Variants in RDH14 observed in about 807,000 individuals in gnomAD.
RDH14 encodes the protein retinol dehydrogenase 14.
A neutral mutation model predicts 19.3 loss-of-function variants in RDH14; 17 were observed. That is an observed-to-expected ratio of 0.88 (90% CI 0.60 to 1.32). The LOEUF (loss-of-function observed/expected upper bound fraction) is 1.32, where lower values mean the gene tolerates loss of function less well. Ranked by LOEUF, RDH14 falls within the 40% of genes most tolerant of loss-of-function variation. The probability of loss-of-function intolerance (pLI) is 0.00; values close to 1 mark genes in which losing one functional copy is unlikely to be tolerated. For synonymous variants in RDH14, 215 were observed against 188.9 expected, an observed-to-expected ratio of 1.14 and a Z score of -1.13; for missense variants, 534 against 449.2, an observed-to-expected ratio of 1.19 and a Z score of -1.71.
intron 1 of RDH14, among the ~76,000 whole-genome samples, chr2:18,557,645 A>G (rs1663958862): frequency 6.6e-6 from 1 of 151,192 alleles, no homozygotes; most frequent in Non-Finnish European, 1.5e-5. Context: ...CTACATTTCC[A>G]TTTTTTTTTC....
chr2:18,560,020 C>A lies in RDH14; in HGVS notation c.393+160G>T, dbSNP rs1426147976. Among the ~76,000 whole-genome samples, 4 of 152,316 alleles carry A rather than the reference C, an allele frequency of 2.6e-5. No homozygotes were observed. The East Asian group carries it at 7.7e-4, about 29-fold the overall frequency. ...CCCTCTCAACCCTGCAGCTTCCCGG[C>A]CGCCTCAAAGTGGCTTTTTGGACTC... On this transcript the variant is annotated intron_variant, in intron 1 of 1. Transcript: ENST00000381249.
In RDH14 at chr2:18,560,345, G is replaced by C; in HGVS notation, c.228C>G (p.Asp76Glu). The change falls in exon 1 of 2, where the codon GAC becomes GAG. Residue 76 changes from aspartate to glutamate, a missense_variant. Transcript: ENST00000381249. ...LGARVIMGCR[D>E]RARAEEAAGQ... ...CCGCCGCCTCCTCGGCGCGCGCGCG[G>C]TCCCGGCAGCCCATGATCACCCGCG... The C allele has an allele frequency of 2.8e-6, 4 of 1,417,490 alleles. No homozygotes were observed. The highest frequency in any genetic ancestry group is 3.6e-6 in the Non-Finnish European group (4 of 1,098,648). 87.8% of individuals were successfully genotyped at this position (1,417,490 alleles called of 1,614,324 possible).
chr2:18,558,018 A>G (rs1274687247), intron 1 of RDH14, among the ~76,000 whole-genome samples: 1 of 152,236 alleles, frequency 6.6e-6, no homozygotes, highest in Non-Finnish European at 1.5e-5. Context: ...AAACACAGTG[A>G]TATTTGCTCA....
Position 18,555,121 on chromosome 2 carries a change from A to G in RDH14, c.*70T>C. The G allele has an allele frequency of 1.3e-6, 2 of 1,549,958 alleles. No homozygotes were observed. Among genetic ancestry groups the G allele is most frequent in the African/African-American group, 1.4e-5 (1 of 72,872 alleles). ...TTTTTCTTCAAGTAACAAGTTCTCA[A>G]TCCACACCATTCCTGATCACAGATA... On this transcript the variant is annotated 3_prime_UTR_variant, in exon 2 of 2. Transcript: ENST00000381249.
At position 18,555,223 on chromosome 2, in the gene RDH14, T is replaced by C; in HGVS notation, c.979A>G (p.Ile327Val). The change falls in exon 2 of 2, where the codon ATC becomes GTC. Residue 327 changes from isoleucine to valine, a missense_variant. By Grantham distance (29) the Ile-to-Val change is conservative (BLOSUM62 3). Transcript: ENST00000381249. ...DESVARKLWD[I>V]SEVMVGLLK ...AGCAGGCCAACCATCACTTCACTGA[T>C]ATCCCAGAGTTTTCTTGCAACAGAT... is the stretch of plus-strand genomic sequence containing the variant. 1 of 1,614,044 alleles carries C rather than the reference T, an allele frequency of 6.2e-7. No homozygotes were observed. Among genetic ancestry groups the C allele is most frequent in the Non-Finnish European group, 8.5e-7 (1 of 1,179,912 alleles).
Position 18,560,592 on chromosome 2 carries a change from C to T in RDH14, c.-20G>A, listed in dbSNP as rs951037479. Reference sequence around the variant, plus strand: ...TGCCATCGTCAGGCCCGAGGGCCCACCGGCCCCTCCACGGGAGTTCCGCAG... The same window carrying T: ...TGCCATCGTCAGGCCCGAGGGCCCATCGGCCCCTCCACGGGAGTTCCGCAG... On this transcript the variant is annotated 5_prime_UTR_variant, in exon 1 of 2. It adds an upstream start codon to the 5' untranslated region. Coordinates refer to ENST00000381249, the MANE Select transcript of RDH14 (RefSeq NM_020905.4). 24 of 1,412,058 alleles carry T rather than the reference C, an allele frequency of 1.7e-5. No individual in the cohort carries two copies. In the African/African-American group the frequency reaches 2.1e-4, roughly 12 times the overall value. 87.5% of individuals were successfully genotyped at this position (1,412,058 alleles called of 1,614,324 possible). A position where few individuals can be genotyped will look rare whatever the true frequency, so the allele number is the denominator to read the frequency against.
In RDH14 at chr2:18,555,214, C is replaced by A; in HGVS notation, c.988G>T (p.Val330Leu). 1 of 1,613,992 alleles carries A rather than the reference C, an allele frequency of 6.2e-7. No homozygotes were observed. Among genetic ancestry groups the A allele is most frequent in the African/African-American group, 1.3e-5 (1 of 75,048 alleles). ...VARKLWDISEVMVGLLK is the reference protein window; with the variant it reads ...VARKLWDISELMVGLLK ...TCCTATTTTAGCAGGCCAACCATCA[C>A]TTCACTGATATCCCAGAGTTTTCTT... Residue 330 changes from valine (V) to leucine (L), a missense_variant, in exon 2 of 2, where the codon GTG becomes TTG. Val to Leu is a conservative substitution (Grantham distance 32). Transcript: ENST00000381249.
rs879491914 is a variant in RDH14 at position 18,555,372 on chromosome 2, T to G, written c.830A>C (p.Lys277Thr). The G allele has an allele frequency of 2.5e-6, 4 of 1,613,918 alleles. No individual in the cohort carries two copies. Among genetic ancestry groups the G allele is most frequent in the Admixed American group, 3.3e-5 (2 of 60,002 alleles). Residue 277 changes from lysine to threonine, a missense_variant, in exon 2 of 2, where the codon AAA becomes ACA. Coordinates refer to ENST00000381249, the MANE Select transcript of RDH14 (RefSeq NM_020905.4). ...AGTCTGGGCACCTTCTACTGGAGTT[T>G]TGAAAAAAGCCCATGACACCAAATT... ...LFNLVSWAFF[K>T]TPVEGAQTSI... is the part of the protein sequence containing the mutation.
At chr2:18,556,003 T>G (rs964473658) in intron 1 of RDH14, among the ~76,000 whole-genome samples, 195 bp from the exon 2 acceptor site, 1 of 152,224 alleles carries the variant, frequency 6.6e-6, no homozygotes, top group African/African-American at 2.4e-5. Context: ...GGGAAAGGGA[T>G]TCCTCCGCAG....
rs74378191 is a variant in RDH14 at position 18,555,364 on chromosome 2, C to T, written c.838G>A (p.Val280Ile). 0.022 allele frequency: 35,840 copies of T among 1,614,052 alleles called. 738 individuals carry two copies. Among genetic ancestry groups the T allele is most frequent in the South Asian group, 0.088 (8,035 of 91,072 alleles). ...LVSWAFFKTPVEGAQTSIYLA... is the reference protein window; with the variant it reads ...LVSWAFFKTPIEGAQTSIYLA... The stretch of plus-strand genomic sequence containing the variant: ...TAAATGGAAGTCTGGGCACCTTCTA[C>T]TGGAGTTTTGAAAAAAGCCCATGAC... The change falls in exon 2 of 2, where the codon GTA becomes ATA. Residue 280 changes from valine (V) to isoleucine (I), a missense_variant. By Grantham distance (29) the Val-to-Ile change is conservative. Coordinates refer to ENST00000381249, the MANE Select transcript of RDH14 (RefSeq NM_020905.4).
At position 18,555,645 on chromosome 2, in the gene RDH14, C is replaced by A; in HGVS notation, c.557G>T (p.Arg186Met). The A allele has an allele frequency of 6.2e-7, 1 of 1,614,090 alleles. No homozygotes were observed. The highest frequency in any genetic ancestry group is 8.5e-7 in the Non-Finnish European group (1 of 1,179,978). ...AAGTTTGGAAGAAACTACCACAATCCTGCTGGGAGCTGAACTTTTGAGGAG... is the reference window on the plus strand; with the variant it reads ...AAGTTTGGAAGAAACTACCACAATCATGCTGGGAGCTGAACTTTTGAGGAG... ...LGLLKSSAPS[R>M]IVVVSSKLYK... is the part of the protein sequence containing the mutation. Residue 186 changes from arginine (R) to methionine (M), a missense_variant, in exon 2 of 2, where the codon AGG becomes ATG. Coordinates refer to ENST00000381249, the MANE Select transcript of RDH14 (RefSeq NM_020905.4).
At chr2:18,559,318 G>A (rs1233692731) in intron 1 of RDH14, among the ~76,000 whole-genome samples, 2 of 152,154 alleles carry the variant, frequency 1.3e-5, no homozygotes, top group Non-Finnish European at 2.9e-5. Context: ...ACACCTCACT[G>A]CCAGGCAGCA....
intron 1 of RDH14, among the ~76,000 whole-genome samples, chr2:18,558,073 T>C (rs1197978125): frequency 3.9e-5 from 6 of 152,212 alleles, no homozygotes; most frequent in Non-Finnish European, 7.3e-5. Flanking sequence ...GCTTGAACAT[T>C]ACATTGTGCT....
chr2:18,560,599 C>T lies in RDH14; in HGVS notation c.-27G>A. On this transcript the variant is annotated 5_prime_UTR_variant, in exon 1 of 2. Transcript: ENST00000381249. ...GTCAGGCCCGAGGGCCCACCGGCCC[C>T]TCCACGGGAGTTCCGCAGCCGCCGC... is the stretch of plus-strand genomic sequence containing the variant. 7.2e-7 allele frequency: 1 copy of T among 1,395,824 alleles called. No individual in the cohort carries two copies. The highest frequency in any genetic ancestry group is 9.2e-7 in the Non-Finnish European group (1 of 1,085,578). 86.5% of individuals were successfully genotyped at this position (1,395,824 alleles called of 1,614,324 possible). A position where few individuals can be genotyped will look rare whatever the true frequency, so the allele number is the denominator to read the frequency against.
At position 18,560,340 on chromosome 2, in the gene RDH14, G is replaced by A; in HGVS notation, c.233C>T (p.Ala78Val). The A allele has an allele frequency of 7.1e-7, 1 of 1,409,908 alleles. No homozygotes were observed. The highest frequency in any genetic ancestry group is 9.1e-7 in the Non-Finnish European group (1 of 1,094,772). The allele number at this position is 1,409,908 out of a possible 1,614,324, so 87.3% of individuals were successfully genotyped here. Residue 78 changes from alanine to valine, a missense_variant, in exon 1 of 2, where the codon GCG (alanine) becomes GTG (valine). By Grantham distance (64) the Ala-to-Val change is moderately conservative (BLOSUM62 0). Transcript: ENST00000381249. ...ARVIMGCRDRARAEEAAGQLR... is the reference protein window; with the variant it reads ...ARVIMGCRDRVRAEEAAGQLR... ...CTGACCCGCCGCCTCCTCGGCGCGC[G>A]CGCGGTCCCGGCAGCCCATGATCAC...
At position 18,555,128 on chromosome 2, in the gene RDH14, C is replaced by A; in HGVS notation, c.*63G>T. ...TCAAGTAACAAGTTCTCAATCCACA[C>A]CATTCCTGATCACAGATATAACTGA... On this transcript the variant is annotated 3_prime_UTR_variant, in exon 2 of 2. Transcript: ENST00000381249. 1 of 1,563,152 alleles carries A rather than the reference C, an allele frequency of 6.4e-7. No homozygotes were observed. The highest frequency in any genetic ancestry group is 8.7e-7 in the Non-Finnish European group (1 of 1,155,544).
intron 1 of RDH14, 149 bp downstream of exon 1, chr2:18,560,031 T>C: frequency 1.2e-6 from 1 of 828,978 alleles, no homozygotes; most frequent in Non-Finnish European, 1.7e-6. Flanking sequence ...CGCCTCAAAG[T>C]GGCTTTTTGG....
At chr2:18,556,616 C>A (rs766324073) in intron 1 of RDH14, among the ~76,000 whole-genome samples, 20 of 152,162 alleles carry the variant, frequency 1.3e-4, no homozygotes, top group Admixed American at 1.0e-3. Flanking sequence ...ATCAGAACTC[C>A]TAAGTAGCAA....
At chr2:18,560,051 A>G (rs1422173833) in intron 1 of RDH14, 129 bp downstream of exon 1, 8 of 1,073,930 alleles carry the variant, frequency 7.4e-6, no homozygotes, top group Non-Finnish European at 1.0e-5. Flanking sequence ...GACTCCTCTC[A>G]GCCTCAGCGG....
Sources: allele counts gnomAD v4.1 joint callset (sites outside exome capture counted in the v4.1 genomes callset), GRCh38; gene constraint gnomAD v4.1.1; transcripts MANE v1.5; gene names NCBI Gene and HGNC (gene_info 2026-07-23, HGNC 2026-07-21).